The following SLIT3 variants were observed in gnomAD, a reference collection of about 807,000 sequenced individuals.
The protein encoded by SLIT3 is slit homolog 3 protein.
A neutral mutation model predicts 184.0 loss-of-function variants in SLIT3; 68 were observed. The ratio of observed to expected loss-of-function variants is 0.37; its 90% CI spans 0.30 to 0.45. The LOEUF is 0.45. Among genes scored for constraint, SLIT3 ranks in the 20% least tolerant of loss-of-function variants. The pLI, the probability that SLIT3 is intolerant of heterozygous loss-of-function variation, is 1.00. For synonymous variants in SLIT3, 831 were observed against 828.6 expected, an observed-to-expected ratio of 1.00 and a Z score of -0.05; for missense variants, 1,707 against 2,026.0, an observed-to-expected ratio of 0.84 and a Z score of 3.02.
At chr5:169,124,368 C>A (rs1430884579) in intron 4 of SLIT3, among the ~76,000 whole-genome samples, 1 of 152,180 alleles carries the variant, frequency 6.6e-6, no homozygotes, top group East Asian at 1.9e-4. Flanking sequence ...TTGCTGTGAG[C>A]AAATCCAGTA....
At chr5:168,953,889 C>T (rs1333134213) in intron 4 of SLIT3, among the ~76,000 whole-genome samples, 1 of 152,212 alleles carries the variant, frequency 6.6e-6, no homozygotes, top group Non-Finnish European at 1.5e-5. Context: ...AAAATGTTTT[C>T]ACTGCTGCCG....
rs1763039078 is a variant in SLIT3, at chr5:168,724,396, C to T, written c.2339+20G>A. The T allele has an allele frequency of 3.1e-6, 5 of 1,606,336 alleles. No individual in the cohort carries two copies. In the South Asian group the frequency reaches 4.4e-5, roughly 14 times the overall value. On this transcript the variant is annotated intron_variant, in intron 21 of 35. Transcript: ENST00000519560. ...CCAGCAGGGAAAAATAAACATCCCA[C>T]CCAATACTGGGCTCCTTACATAAGC...
At chr5:168,867,410 A>T (rs537572702) in intron 5 of SLIT3, among the ~76,000 whole-genome samples, 3 of 152,362 alleles carry the variant, frequency 2.0e-5, no homozygotes, top group African/African-American at 7.2e-5. Flanking sequence ...TTGAGGAAAC[A>T]ATCTGTCTAA....
chr5:169,004,164 A>C (rs2113432155), intron 4 of SLIT3, among the ~76,000 whole-genome samples: 1 of 152,042 alleles, frequency 6.6e-6, no homozygotes, highest in South Asian at 2.1e-4. Flanking sequence ...TTTGGGAAAA[A>C]AAAAACACAC....
intron 8 of SLIT3, among the ~76,000 whole-genome samples, chr5:168,813,670 A>G (rs1757239626): frequency 6.6e-6 from 1 of 152,224 alleles, no homozygotes; most frequent in African/African-American, 2.4e-5. Flanking sequence ...GCCAAAGTGC[A>G]CTGCTAGCAA....
chr5:169,257,741 G>C lies in SLIT3; in HGVS notation c.198-6282C>G, dbSNP rs1766023810. Among the ~76,000 whole-genome samples, 3 of 151,656 alleles carry C rather than the reference G, an allele frequency of 2.0e-5. No homozygotes were observed. The South Asian group carries it at 6.3e-4, about 32-fold the overall frequency. On this transcript the variant is annotated intron_variant, in intron 1 of 35. Coordinates refer to ENST00000519560, the MANE Select transcript of SLIT3 (RefSeq NM_003062.4). ...CTAATTTTTTTGCATTTTTAGTAGA[G>C]ATGGGGTTTCACCATGTTGGCCAGG...
intron 12 of SLIT3, among the ~76,000 whole-genome samples, chr5:168,781,177 G>A (rs960499270): frequency 6.6e-6 from 1 of 152,192 alleles, no homozygotes; most frequent in South Asian, 2.1e-4. Flanking sequence ...AGACATAGGA[G>A]GGTGCTAGGA....
At chr5:168,854,551 C>A (rs1371148566) in intron 5 of SLIT3, among the ~76,000 whole-genome samples, 1 of 152,216 alleles carries the variant, frequency 6.6e-6, no homozygotes, top group Non-Finnish European at 1.5e-5. Flanking sequence ...TAGTAGGATC[C>A]AATGGGTGGC....
At chr5:168,878,761 C>T (rs555915575) in intron 5 of SLIT3, among the ~76,000 whole-genome samples, 8 of 147,882 alleles carry the variant, frequency 5.4e-5, no homozygotes, top group Non-Finnish European at 1.5e-5. Flanking sequence ...GTCTCCCAGG[C>T]GGGAGTGCAA....
intron 4 of SLIT3, among the ~76,000 whole-genome samples, chr5:169,125,267 C>T (rs766161476): frequency 6.6e-6 from 1 of 152,108 alleles, no homozygotes; most frequent in Admixed American, 6.5e-5. Flanking sequence ...AGGATGGTCT[C>T]GATCTTCTGA....
intron 1 of SLIT3, among the ~76,000 whole-genome samples, chr5:169,264,437 C>T (rs573554947): frequency 4.6e-5 from 7 of 152,174 alleles, no homozygotes; most frequent in African/African-American, 1.7e-4. Context: ...CTCAGCCTCT[C>T]AAAGTGCTGG....
In SLIT3 at chr5:168,997,502, G is replaced by A. The variant is rs562906196; in HGVS notation, c.414-114166C>T. Among the ~76,000 whole-genome samples the A allele has an allele frequency of 4.6e-5, 7 of 152,268 alleles. No individual in the cohort carries two copies. The South Asian group carries it at 6.2e-4, about 14-fold the overall frequency. ...GGGATGGGGGTAGAGGGAGGTATGC[G>A]TGGGGCCCAAGGATTTGGGAGAGGC... On this transcript the variant is annotated intron_variant, in intron 4 of 35. Coordinates refer to ENST00000519560, the MANE Select transcript of SLIT3 (RefSeq NM_003062.4).
intron 1 of SLIT3, among the ~76,000 whole-genome samples, chr5:169,275,852 T>G (rs753942063): frequency 1.3e-5 from 2 of 152,072 alleles, no homozygotes; most frequent in Admixed American, 6.5e-5. Flanking sequence ...GGGATGGAGC[T>G]CAGAACTGAG....
chr5:168,666,327 A>G lies in SLIT3; in HGVS notation c.*127T>C, dbSNP rs1012370118. On this transcript the variant is annotated 3_prime_UTR_variant, in exon 36 of 36. Coordinates refer to ENST00000519560, the MANE Select transcript of SLIT3 (RefSeq NM_003062.4). ...TTGTTTATTTTACAATATACTTAAT[A>G]TTCTCTTCTTCTTTACCTTCCTCTC... 5.5e-5 allele frequency: 48 copies of G among 866,512 alleles called. No homozygotes were observed. The highest frequency in any genetic ancestry group is 7.8e-5 in the Non-Finnish European group (47 of 603,406). 53.7% of individuals were successfully genotyped at this position (866,512 alleles called of 1,614,324 possible). A position where few individuals can be genotyped will look rare whatever the true frequency, so the allele number is the denominator to read the frequency against.
chr5:169,060,440 G>A (rs1158190871), intron 4 of SLIT3, among the ~76,000 whole-genome samples: 1 of 152,130 alleles, frequency 6.6e-6, no homozygotes, highest in Non-Finnish European at 1.5e-5. Context: ...AATAAATTTT[G>A]TTGCTTATGA....
chr5:168,936,263 T>C (rs1762154736), intron 4 of SLIT3, among the ~76,000 whole-genome samples: 1 of 151,838 alleles, frequency 6.6e-6, no homozygotes, highest in African/African-American at 2.4e-5. Context: ...TGAGGCAGAG[T>C]CTCTCTCTGT....
chr5:168,795,495 G>T lies in SLIT3; in HGVS notation c.1007+12C>A. ...AAACATTTGGGCCCATTTCTCCACA[G>T]GGGAAACTCACATTCGCTTCAGTTT... On this transcript the variant is annotated intron_variant, in intron 10 of 35. Coordinates refer to ENST00000519560, the MANE Select transcript of SLIT3 (RefSeq NM_003062.4). The T allele has an allele frequency of 6.2e-7, 1 of 1,605,264 alleles. No homozygotes were observed. The highest frequency in any genetic ancestry group is 1.1e-5 in the South Asian group (1 of 90,900).
chr5:169,286,864 T>C (rs1042427294), intron 1 of SLIT3, among the ~76,000 whole-genome samples: 1 of 152,214 alleles, frequency 6.6e-6, no homozygotes, highest in African/African-American at 2.4e-5. Context: ...AAAACTGTAG[T>C]GCAGTCTTCT....
intron 4 of SLIT3, among the ~76,000 whole-genome samples, chr5:169,009,507 G>C (rs1203439626): frequency 1.3e-5 from 2 of 152,240 alleles, no homozygotes; most frequent in African/African-American, 4.8e-5. Context: ...GCCCCACCCA[G>C]ACACCCATGA....
Sources: gnomAD v4.1 joint callset for allele counts (sites outside exome capture counted in the v4.1 genomes callset) on GRCh38, gnomAD v4.1.1 for gene constraint, MANE v1.5 for transcripts, NCBI Gene and HGNC (gene_info 2026-07-23, HGNC 2026-07-21) for gene names.